The following PTPN3 variants were observed in gnomAD, a reference collection of about 807,000 sequenced individuals.
The protein encoded by PTPN3 is protein tyrosine phosphatase non-receptor type 3.
In PTPN3, 96 loss-of-function variants were observed where a neutral mutation model predicts 132.7. That is an observed-to-expected ratio of 0.72 (90% CI 0.61 to 0.86). PTPN3 has a LOEUF of 0.86. Among genes scored for constraint, PTPN3 ranks in the 40% least tolerant of loss-of-function variants. PTPN3 has a pLI of 0.00. For missense variants in PTPN3, 1,125 were observed against 1,159.6 expected (o/e 0.97, Z 0.43); for synonymous variants, 398 against 429.0 (o/e 0.93, Z 0.89).
At chr9:109,438,942 C>T (rs528287869) in intron 7 of PTPN3, among the ~76,000 whole-genome samples, 1 of 152,336 alleles carries the variant, frequency 6.6e-6, no homozygotes, top group African/African-American at 2.4e-5. Flanking sequence ...AGGGGAATCA[C>T]ATTAGGGACC....
chr9:109,516,925 G>A, the PTPN3 span, among the ~76,000 whole-genome samples: 1 of 152,164 alleles, frequency 6.6e-6, no homozygotes, highest in African/African-American at 2.4e-5. Flanking sequence ...GGACTTGCGA[G>A]GTGAGCAGGG....
intron 19 of PTPN3, among the ~76,000 whole-genome samples, chr9:109,399,637 T>A (rs2131686301): frequency 6.6e-6 from 1 of 151,956 alleles, no homozygotes; most frequent in Admixed American, 6.5e-5. Context: ...GGACTTTTTT[T>A]TCATAAAGGG....
chr9:109,433,189 A>G, intron 9 of PTPN3, 28 bp from the exon 10 acceptor site: 1 of 1,613,036 alleles, frequency 6.2e-7, no homozygotes, highest in Non-Finnish European at 8.5e-7. Context: ...TCAGATCCAC[A>G]GCATGTTACA....
the PTPN3 span, among the ~76,000 whole-genome samples, chr9:109,523,957 C>T: frequency 1.5e-4 from 23 of 152,080 alleles, no homozygotes; most frequent in Non-Finnish European, 2.9e-4. Flanking sequence ...ATGACAATAA[C>T]AACTGCTGCT....
At chr9:109,515,474 C>T in the PTPN3 span, among the ~76,000 whole-genome samples, 1 of 152,224 alleles carries the variant, frequency 6.6e-6, no homozygotes, top group Non-Finnish European at 1.5e-5. Context: ...CCATTTACAT[C>T]ATCACCTGAG....
At chr9:109,393,232 A>T (rs1840277623) in intron 19 of PTPN3, among the ~76,000 whole-genome samples, 1 of 152,148 alleles carries the variant, frequency 6.6e-6, no homozygotes, top group African/African-American at 2.4e-5. Context: ...TTATTTACAC[A>T]TATGATCTTT....
intron 2 of PTPN3, among the ~76,000 whole-genome samples, chr9:109,460,585 T>C (rs1223061776): frequency 6.6e-6 from 1 of 152,114 alleles, no homozygotes; most frequent in African/African-American, 2.4e-5. Context: ...CCAAAGGAAG[T>C]GGGCTCCAGC....
At chr9:109,536,314 T>C in the PTPN3 span, among the ~76,000 whole-genome samples, 188 of 152,360 alleles carry the variant, frequency 1.2e-3, no homozygotes, top group Non-Finnish European at 2.2e-3. Context: ...TTGTGAATGG[T>C]GTATGCATAT....
the PTPN3 span, among the ~76,000 whole-genome samples, chr9:109,522,120 G>A: frequency 2.0e-5 from 3 of 152,138 alleles, no homozygotes; most frequent in East Asian, 1.9e-4. Context: ...AAGTGTGGAC[G>A]GCAGACCATC....
chr9:109,432,727 G>C (rs1843752133), intron 10 of PTPN3, among the ~76,000 whole-genome samples: 1 of 152,182 alleles, frequency 6.6e-6, no homozygotes, highest in African/African-American at 2.4e-5. Flanking sequence ...GAACAGAAAT[G>C]AAACGATGGT....
At chr9:109,508,656 A>G in the PTPN3 span, among the ~76,000 whole-genome samples, 1 of 152,218 alleles carries the variant, frequency 6.6e-6, no homozygotes, top group South Asian at 2.1e-4. Flanking sequence ...GTGATGTTGT[A>G]TCTAAAGGTT....
intron 10 of PTPN3, chr9:109,429,125 A>G: frequency 1.1e-6 from 1 of 900,788 alleles, no homozygotes; most frequent in Non-Finnish European, 1.3e-6. Context: ...AGATAACAGA[A>G]TTTAGTCACC....
chr9:109,453,115 T>C (rs1165474905), intron 5 of PTPN3, among the ~76,000 whole-genome samples: 1 of 152,076 alleles, frequency 6.6e-6, no homozygotes, highest in Non-Finnish European at 1.5e-5. Flanking sequence ...TAAAAAGTAA[T>C]AAAAAATACA....
chr9:109,409,791 C>T (rs563120123), intron 16 of PTPN3, among the ~76,000 whole-genome samples: 10 of 151,582 alleles, frequency 6.6e-5, no homozygotes, highest in East Asian at 3.9e-4. Context: ...TAGGTTTGGG[C>T]GATAAAGTGA....
chr9:109,379,499 C>A lies in PTPN3; in HGVS notation c.*57G>T, dbSNP rs1056136659. The A allele has an allele frequency of 1.3e-6, 2 of 1,497,948 alleles. No homozygotes were observed. The highest frequency in any genetic ancestry group is 1.9e-6 in the Non-Finnish European group (2 of 1,075,030). The allele number at this position is 1,497,948 out of a possible 1,614,324, so 92.8% of individuals were successfully genotyped here. A position where few individuals can be genotyped will look rare whatever the true frequency, so the allele number is the denominator to read the frequency against. ...CTTGCTGCTTCCAGAGAGGTCTGTC[C>A]TCCTCTTTCAAGGAGGATGCCCTTG... On this transcript the variant is annotated 3_prime_UTR_variant, in exon 26 of 26. Transcript: ENST00000374541.
intron 2 of PTPN3, among the ~76,000 whole-genome samples, chr9:109,458,537 T>A (rs1237527087): frequency 6.6e-6 from 1 of 152,152 alleles, no homozygotes; most frequent in Non-Finnish European, 1.5e-5. Context: ...TGAAAATAGG[T>A]CACAGTGACC....
chr9:109,513,168 T>G, the PTPN3 span, among the ~76,000 whole-genome samples: 1 of 152,140 alleles, frequency 6.6e-6, no homozygotes, highest in Non-Finnish European at 1.5e-5. Flanking sequence ...GTACCACATC[T>G]GGCTAATTTA....
chr9:109,453,146 T>C (rs776427653), intron 5 of PTPN3, among the ~76,000 whole-genome samples: 5 of 152,188 alleles, frequency 3.3e-5, no homozygotes, highest in Admixed American at 6.5e-5. Context: ...CAGTGTCTGC[T>C]ATAGTAGAGG....
chr9:109,534,420 G>T, the PTPN3 span: 8 of 1,388,572 alleles, frequency 5.8e-6, no homozygotes, highest in Middle Eastern at 2.7e-4. Flanking sequence ...TGGTGGTGGG[G>T]CTGCTCAGGG....
Sources: gnomAD v4.1 joint callset for allele counts (sites outside exome capture counted in the v4.1 genomes callset) on GRCh38, gnomAD v4.1.1 for gene constraint, MANE v1.5 for transcripts, NCBI Gene and HGNC (gene_info 2026-07-23, HGNC 2026-07-21) for gene names.